The following GJB2 variants were observed in gnomAD, a reference collection of about 807,000 sequenced individuals.
GJB2 encodes the protein gap junction protein beta 2, also known as gap junction beta-2 protein.
Under a neutral mutation model 16.0 loss-of-function variants are expected in GJB2, and 30 were observed. The ratio of observed to expected loss-of-function variants is 1.88; its 90% CI spans 1.41 to 2.55. The LOEUF is 2.55. Ranked by LOEUF, GJB2 falls within the 30% of genes most tolerant of loss-of-function variation. The pLI, the probability that GJB2 is intolerant of heterozygous loss-of-function variation, is 0.00. For missense variants in GJB2, 284 were observed against 289.7 expected, an observed-to-expected ratio of 0.98 and a Z score of 0.14; for synonymous variants, 123 against 119.1, an observed-to-expected ratio of 1.03 and a Z score of -0.21.
chr13:20,190,917 C>T (rs937350693), intron 1 of GJB2, among the ~76,000 whole-genome samples: 19 of 152,194 alleles, frequency 1.2e-4, no homozygotes, highest in African/African-American at 4.6e-4. Context: ...GACCCACAGT[C>T]GCTGCCACGG....
rs189792278 is a variant in GJB2 at position 20,188,784 on chromosome 13, T to C, written c.*117A>G. On this transcript the variant is annotated 3_prime_UTR_variant, in exon 2 of 2. Transcript: ENST00000382848. ...CCTACAGGGGTTTCAAATGGTTGCA[T>C]TTAAGGTCAGAATCTTTGTGTTGGG... 6 of 832,358 alleles carry C rather than the reference T, an allele frequency of 7.2e-6. No homozygotes were observed. In the Admixed American group the frequency reaches 7.6e-5, roughly 11 times the overall value. The allele number at this position is 832,358 out of a possible 1,614,324, so 51.6% of individuals were successfully genotyped here.
At position 20,189,078 on chromosome 13, in the gene GJB2, C is replaced by A; in HGVS notation, c.504G>T (p.Lys168Asn). ...TGTTGGGACAAGGCCAGGCGTTGCA[C>A]TTCACCAGCCGCTGCATGGAGAAGC... ...YDGFSMQRLV[K>N]CNAWPCPNTV... The change falls in exon 2 of 2, where the codon AAG becomes AAT. Residue 168 changes from lysine to asparagine, a missense_variant. Transcript: ENST00000382848. The A allele has an allele frequency of 6.2e-7, 1 of 1,614,056 alleles. No homozygotes were observed. Among genetic ancestry groups the A allele is most frequent in the South Asian group, 1.1e-5 (1 of 91,086 alleles).
At chr13:20,191,669 A>G (rs1266389998) in intron 1 of GJB2, among the ~76,000 whole-genome samples, 2 of 152,202 alleles carry the variant, frequency 1.3e-5, no homozygotes, top group East Asian at 3.9e-4. Context: ...GGTTACATGC[A>G]GCTTCCTACC....
intron 1 of GJB2, among the ~76,000 whole-genome samples, chr13:20,191,892 GA>G (rs1959078608): frequency 6.6e-6 from 1 of 152,232 alleles, no homozygotes; most frequent in Non-Finnish European, 1.5e-5. Flanking sequence ...ACCAGTGTCT[GA>G]AATTGTGACC....
intron 1 of GJB2, among the ~76,000 whole-genome samples, chr13:20,190,750 A>G (rs1476828085): frequency 6.6e-6 from 1 of 152,196 alleles, no homozygotes; most frequent in Non-Finnish European, 1.5e-5. Flanking sequence ...CACCCTCTCC[A>G]CAATCCGGAT....
intron 1 of GJB2, among the ~76,000 whole-genome samples, chr13:20,192,295 C>T (rs548890075): frequency 1.3e-4 from 20 of 152,326 alleles, no homozygotes; most frequent in African/African-American, 4.6e-4. Context: ...AAATCTCTGC[C>T]CGGGGATTTT....
intron 1 of GJB2, 152 bp from the exon 2 acceptor site, chr13:20,189,755 C>A: frequency 1.4e-6 from 1 of 691,206 alleles, no homozygotes. Flanking sequence ...AAGACAGAAC[C>A]AACTTAGTTT....
In GJB2 at chr13:20,188,746, G is replaced by C. The variant is rs1959053447; in HGVS notation, c.*155C>G. 1 of 658,132 alleles carries C rather than the reference G, an allele frequency of 1.5e-6. No individual in the cohort carries two copies. Among genetic ancestry groups the C allele is most frequent in the Admixed American group, 2.3e-5 (1 of 42,700 alleles). 40.8% of individuals were successfully genotyped at this position (658,132 alleles called of 1,614,324 possible). On this transcript the variant is annotated 3_prime_UTR_variant, in exon 2 of 2. Transcript: ENST00000382848. ...GCAGAGCTCCATTGTGGCATCTGGA[G>C]TTTCACCTGAGGCCTACAGGGGTTT...
At chr13:20,192,118 C>T (rs1429478613) in intron 1 of GJB2, among the ~76,000 whole-genome samples, 1 of 152,192 alleles carries the variant, frequency 6.6e-6, no homozygotes, top group African/African-American at 2.4e-5. Flanking sequence ...AGCCGCACAC[C>T]ACCTCTTCGC....
At position 20,189,464 on chromosome 13, in the gene GJB2, C is replaced by T. The variant is rs764693395; in HGVS notation, c.118G>A (p.Ala40Thr). 2 of 1,613,474 alleles carry T rather than the reference C, an allele frequency of 1.2e-6. No individual in the cohort carries two copies. The highest frequency in any genetic ancestry group is 3.3e-5 in the Admixed American group (2 of 60,028). Reference protein sequence around the residue: ...IFRIMILVVAAKEVWGDEQAD... With the variant: ...IFRIMILVVATKEVWGDEQAD... Reference sequence around the variant, plus strand: ...TGCTCATCTCCCCACACCTCCTTTGCAGCCACAACGAGGATCATAATGCGA... The same window carrying T: ...TGCTCATCTCCCCACACCTCCTTTGTAGCCACAACGAGGATCATAATGCGA... Residue 40 changes from alanine to threonine, a missense_variant, in exon 2 of 2, where the codon GCA (alanine) becomes ACA (threonine). By Grantham distance (58) the Ala-to-Thr change is moderately conservative. Transcript: ENST00000382848.
At position 20,188,777 on chromosome 13, in the gene GJB2, G is replaced by C. The variant is rs1288147750; in HGVS notation, c.*124C>G. ...CCTGAGGCCTACAGGGGTTTCAAAT[G>C]GTTGCATTTAAGGTCAGAATCTTTG... On this transcript the variant is annotated 3_prime_UTR_variant, in exon 2 of 2. Transcript: ENST00000382848. 1.3e-6 allele frequency: 1 copy of C among 778,268 alleles called. No individual in the cohort carries two copies. The highest frequency in any genetic ancestry group is 1.7e-5 in the African/African-American group (1 of 58,372). The allele number at this position is 778,268 out of a possible 1,614,324, so 48.2% of individuals were successfully genotyped here.
chr13:20,188,629 C>T lies in GJB2; in HGVS notation c.*272G>A, dbSNP rs1959052806. The T allele has an allele frequency of 1.9e-6, 1 of 515,476 alleles. No individual in the cohort carries two copies. The highest frequency in any genetic ancestry group is 3.5e-6 in the Non-Finnish European group (1 of 288,194). 31.9% of individuals were successfully genotyped at this position (515,476 alleles called of 1,614,324 possible). A position where few individuals can be genotyped will look rare whatever the true frequency, so the allele number is the denominator to read the frequency against. On this transcript the variant is annotated 3_prime_UTR_variant, in exon 2 of 2. Coordinates refer to ENST00000382848, the MANE Select transcript of GJB2 (RefSeq NM_004004.6). The stretch of plus-strand genomic sequence containing the variant: ...ATGAAAGTACCTTACACCAATAACC[C>T]CTAACAGCCTGGGGTCTCAGTGGAA...
Position 20,188,755 on chromosome 13 carries a change from G to A in GJB2, c.*146C>T. The A allele has an allele frequency of 1.5e-6, 1 of 678,742 alleles. No homozygotes were observed. The allele number at this position is 678,742 out of a possible 1,614,324, so 42.0% of individuals were successfully genotyped here. On this transcript the variant is annotated 3_prime_UTR_variant, in exon 2 of 2. Transcript: ENST00000382848. The stretch of plus-strand genomic sequence containing the variant: ...CATTGTGGCATCTGGAGTTTCACCT[G>A]AGGCCTACAGGGGTTTCAAATGGTT...
chr13:20,188,231 CA>C lies in GJB2; in HGVS notation c.*669del, dbSNP rs1959050511. On this transcript the variant is annotated 3_prime_UTR_variant, in exon 2 of 2. Transcript: ENST00000382848. ...AGCTGTGCTGCAAAGTATTCATAACCAAAAGACCATATTTCAAATTAAATCA... is the reference window on the plus strand; with the variant it reads ...AGCTGTGCTGCAAAGTATTCATAACCAAAGACCATATTTCAAATTAAATCA... 1 of 152,372 alleles carries C rather than the reference CA, an allele frequency of 6.6e-6. No individual in the cohort carries two copies. Among genetic ancestry groups the C allele is most frequent in the Non-Finnish European group, 1.5e-5 (1 of 68,206 alleles). 9.4% of individuals were successfully genotyped at this position (152,372 alleles called of 1,614,324 possible).
In GJB2 at chr13:20,189,346, AG is replaced by A. The variant is rs80338943; in HGVS notation, c.235del (p.Leu79CysfsTer3). 1.9e-4 allele frequency: 309 copies of A among 1,614,140 alleles called. No individual in the cohort carries two copies. The East Asian group carries it at 6.7e-3, about 35-fold the overall frequency. ...TGGCGTGGACACGAAGATCAGCTGC[AG>A]GGCCCATAGCCGGATGTGGGAGATG... ...FPISHIRLWA[L>X]QLIFVSTPAL... On this transcript the variant is annotated frameshift_variant, in exon 2 of 2. Coordinates refer to ENST00000382848, the MANE Select transcript of GJB2 (RefSeq NM_004004.6). LOFTEE classifies it high-confidence loss of function.
At chr13:20,190,890 T>C (rs918728167) in intron 1 of GJB2, among the ~76,000 whole-genome samples, 2 of 152,158 alleles carry the variant, frequency 1.3e-5, no homozygotes, top group African/African-American at 4.8e-5. Flanking sequence ...AGCAGGCTCG[T>C]AGTGAATGTC....
chr13:20,188,656 T>C lies in GJB2; in HGVS notation c.*245A>G, dbSNP rs996377279. On this transcript the variant is annotated 3_prime_UTR_variant, in exon 2 of 2. Transcript: ENST00000382848. ...TAACAGCCTGGGGTCTCAGTGGAAC[T>C]AACTTAAGTGAAAGAAAATTAAGAC... is the stretch of plus-strand genomic sequence containing the variant. The C allele has an allele frequency of 8.9e-6, 5 of 562,866 alleles. No homozygotes were observed. 34.9% of individuals were successfully genotyped at this position (562,866 alleles called of 1,614,324 possible).
At position 20,189,049 on chromosome 13, in the gene GJB2, A is replaced by G. The variant is rs568612627; in HGVS notation, c.533T>C (p.Val178Ala). 15 of 1,614,134 alleles carry G rather than the reference A, an allele frequency of 9.3e-6. No homozygotes were observed. In the African/African-American group the frequency reaches 2.0e-4, roughly 22 times the overall value. Residue 178 changes from valine to alanine, a missense_variant, in exon 2 of 2, where the codon GTG becomes GCG. Coordinates refer to ENST00000382848, the MANE Select transcript of GJB2 (RefSeq NM_004004.6). Reference protein sequence around the residue: ...KCNAWPCPNTVDCFVSRPTEK... With the variant: ...KCNAWPCPNTADCFVSRPTEK... Reference sequence around the variant, plus strand: ...CGTGGGCCGGGACACAAAGCAGTCCACAGTGTTGGGACAAGGCCAGGCGTT... The same window carrying G: ...CGTGGGCCGGGACACAAAGCAGTCCGCAGTGTTGGGACAAGGCCAGGCGTT...
At chr13:20,190,443 T>C (rs183602024) in intron 1 of GJB2, among the ~76,000 whole-genome samples, 451 of 152,356 alleles carry the variant, frequency 3.0e-3, no homozygotes, top group African/African-American at 0.011. Context: ...AACAGTGCAT[T>C]ATAATTGTGG....
Sources: allele counts gnomAD v4.1 joint callset (sites outside exome capture counted in the v4.1 genomes callset), GRCh38; gene constraint gnomAD v4.1.1; transcripts MANE v1.5; gene names NCBI Gene and HGNC (gene_info 2026-07-23, HGNC 2026-07-21).